The following RAB3C variants were observed in gnomAD, a reference collection of about 807,000 sequenced individuals.
RAB3C encodes the protein ras-related protein Rab-3C.
RAB3C carries 17 observed loss-of-function variants against 26.4 expected under a neutral mutation model. The ratio of observed to expected loss-of-function variants is 0.64; its 90% CI spans 0.44 to 0.97. RAB3C has a LOEUF of 0.97. Ranked by LOEUF, RAB3C falls within the 50% of genes least tolerant of loss-of-function variation. The probability of loss-of-function intolerance (pLI) is 0.00; values close to 1 mark genes in which losing one functional copy is unlikely to be tolerated. For missense variants in RAB3C, 242 were observed against 281.9 expected (o/e 0.86, Z 1.01); for synonymous variants, 91 against 95.9 (o/e 0.95, Z 0.30).
At chr5:58,819,810 C>A (rs541224254) in intron 3 of RAB3C, among the ~76,000 whole-genome samples, 42 of 152,106 alleles carry the variant, frequency 2.8e-4, no homozygotes, top group African/African-American at 9.2e-4. Context: ...AACTGGAAGG[C>A]GAAGGTTGCA....
At chr5:58,654,749 T>C (rs1404286670) in intron 2 of RAB3C, among the ~76,000 whole-genome samples, 2 of 152,190 alleles carry the variant, frequency 1.3e-5, no homozygotes, top group East Asian at 1.9e-4. Context: ...TTTTACTGTA[T>C]AGCTGTCTTT....
chr5:58,807,736 C>G (rs557680926), intron 3 of RAB3C, among the ~76,000 whole-genome samples: 1 of 152,018 alleles, frequency 6.6e-6, no homozygotes, highest in Admixed American at 6.6e-5. Flanking sequence ...CATATACCAT[C>G]ACATTGGGTA....
intron 3 of RAB3C, among the ~76,000 whole-genome samples, chr5:58,744,446 C>A (rs79462488): frequency 2.6e-5 from 4 of 152,142 alleles, no homozygotes; most frequent in African/African-American, 9.7e-5. Context: ...CATCGTCACA[C>A]GATTCATCGG....
At chr5:58,671,707 A>G (rs1046115028) in intron 2 of RAB3C, among the ~76,000 whole-genome samples, 14 of 152,236 alleles carry the variant, frequency 9.2e-5, no homozygotes, top group African/African-American at 3.4e-4. Context: ...TGAACTGGAA[A>G]GTTTCGGTTG....
intron 2 of RAB3C, among the ~76,000 whole-genome samples, chr5:58,652,952 G>A (rs754555743): frequency 7.9e-5 from 12 of 151,868 alleles, no homozygotes; most frequent in Non-Finnish European, 1.2e-4. Flanking sequence ...GAATTTGCAC[G>A]CAATTTAGGG....
intron 3 of RAB3C, among the ~76,000 whole-genome samples, chr5:58,736,613 A>T (rs925932771): frequency 6.6e-6 from 1 of 152,322 alleles, no homozygotes; most frequent in East Asian, 1.9e-4. Context: ...CATTGAAAAC[A>T]TCTTCACATT....
chr5:58,676,757 A>G (rs1304428563), intron 2 of RAB3C, among the ~76,000 whole-genome samples: 1 of 152,098 alleles, frequency 6.6e-6, no homozygotes, highest in Non-Finnish European at 1.5e-5. Flanking sequence ...CAAAACAGGA[A>G]GTTTCATTTT....
At chr5:58,658,427 G>A (rs987429951) in intron 2 of RAB3C, among the ~76,000 whole-genome samples, 1 of 152,190 alleles carries the variant, frequency 6.6e-6, no homozygotes, top group African/African-American at 2.4e-5. Context: ...GGAAAGGATT[G>A]TGGGAAAGGA....
In RAB3C at chr5:58,812,428, C is replaced by T. The variant is rs188150981; in HGVS notation, c.372-12610C>T. 3.2e-3 allele frequency among the ~76,000 whole-genome samples: 481 copies of T among 152,300 alleles called. 2 individuals are homozygous for T. The highest frequency in any genetic ancestry group is 5.8e-3 in the Non-Finnish European group (392 of 68,030). Reference sequence around the variant, plus strand: ...GGTGGAGCACAGGAGTAGGTTTTAGCAAACTTTCCAGGTGATTCTAATGCC... The same window carrying T: ...GGTGGAGCACAGGAGTAGGTTTTAGTAAACTTTCCAGGTGATTCTAATGCC... On this transcript the variant is annotated intron_variant, in intron 3 of 4. Transcript: ENST00000282878.
chr5:58,591,255 A>G (rs543548087), intron 1 of RAB3C, among the ~76,000 whole-genome samples: 6 of 152,184 alleles, frequency 3.9e-5, no homozygotes, highest in African/African-American at 1.4e-4. Context: ...GGGTTATGGC[A>G]TTGTGTGGTG....
intron 3 of RAB3C, among the ~76,000 whole-genome samples, chr5:58,761,571 C>T (rs1026959577): frequency 2.6e-5 from 4 of 152,126 alleles, no homozygotes; most frequent in African/African-American, 9.7e-5. Context: ...TGTATCTCTT[C>T]ATTTTGAATG....
chr5:58,756,119 A>G (rs1339705712), intron 3 of RAB3C, among the ~76,000 whole-genome samples: 1 of 151,316 alleles, frequency 6.6e-6, no homozygotes, highest in Non-Finnish European at 1.5e-5. Flanking sequence ...ATTTCACACA[A>G]TTGGCTTTTT....
chr5:58,722,880 G>C (rs1740803764), intron 2 of RAB3C, among the ~76,000 whole-genome samples: 1 of 151,780 alleles, frequency 6.6e-6, no homozygotes, highest in Non-Finnish European at 1.5e-5. Context: ...AAAATAGTAA[G>C]CAAAGTATAA....
At chr5:58,698,905 A>C (rs1402636836) in intron 2 of RAB3C, among the ~76,000 whole-genome samples, 4 of 152,074 alleles carry the variant, frequency 2.6e-5, no homozygotes, top group African/African-American at 9.7e-5. Context: ...TGTTATTACC[A>C]ACCTTCTGAA....
intron 4 of RAB3C, among the ~76,000 whole-genome samples, chr5:58,850,470 A>C (rs1027593702): frequency 2.0e-5 from 3 of 152,146 alleles, no homozygotes; most frequent in Non-Finnish European, 4.4e-5. Context: ...TTTAAGGTAA[A>C]TCTTATGACT....
intron 2 of RAB3C, among the ~76,000 whole-genome samples, chr5:58,718,502 A>G (rs1270751430): frequency 6.6e-6 from 1 of 152,058 alleles, no homozygotes; most frequent in Non-Finnish European, 1.5e-5. Context: ...TAACACTGCC[A>G]TGAAATAATA....
chr5:58,801,357 G>A (rs1337976403), intron 3 of RAB3C, among the ~76,000 whole-genome samples: 1 of 152,198 alleles, frequency 6.6e-6, no homozygotes, highest in Non-Finnish European at 1.5e-5. Flanking sequence ...AATCCATGAA[G>A]CTACTGACAC....
chr5:58,700,164 T>C (rs1291019897), intron 2 of RAB3C, among the ~76,000 whole-genome samples: 1 of 152,240 alleles, frequency 6.6e-6, no homozygotes, highest in Non-Finnish European at 1.5e-5. Context: ...AATTTTTAAA[T>C]GAGTCAGCAT....
At chr5:58,624,179 C>T (rs892488870) in intron 2 of RAB3C, among the ~76,000 whole-genome samples, 5 of 152,240 alleles carry the variant, frequency 3.3e-5, no homozygotes, top group East Asian at 1.9e-4. Context: ...TGGTAGAGCA[C>T]GCCAAGGGTC....
Sources: allele counts gnomAD v4.1 joint callset (sites outside exome capture counted in the v4.1 genomes callset), GRCh38; gene constraint gnomAD v4.1.1; transcripts MANE v1.5; gene names NCBI Gene and HGNC (gene_info 2026-07-23, HGNC 2026-07-21).